Variants in RAB11FIP4 observed in about 807,000 individuals in gnomAD.
RAB11FIP4 encodes the protein rab11 family-interacting protein 4.
RAB11FIP4 carries 23 observed loss-of-function variants against 74.3 expected under a neutral mutation model. The observed-to-expected ratio is 0.31, with a 90% confidence interval of 0.22 to 0.44. The LOEUF (loss-of-function observed/expected upper bound fraction) is 0.44. Ranked by LOEUF, RAB11FIP4 falls within the 20% of genes least tolerant of loss-of-function variation. RAB11FIP4 has a pLI of 1.00. For synonymous variants in RAB11FIP4, 360 were observed against 359.9 expected, an observed-to-expected ratio of 1.00 and a Z score of 0.00; for missense variants, 630 against 863.9, an observed-to-expected ratio of 0.73 and a Z score of 3.39.
At chr17:31,459,472 C>T (rs1315455495) in intron 3 of RAB11FIP4, among the ~76,000 whole-genome samples, 1 of 150,396 alleles carries the variant, frequency 6.6e-6, no homozygotes, top group Non-Finnish European at 1.5e-5. Flanking sequence ...TCCTCAGTTC[C>T]GGTGAGCGTT....
chr17:31,411,872 A>C (rs978929474), intron 1 of RAB11FIP4, among the ~76,000 whole-genome samples: 2 of 152,384 alleles, frequency 1.3e-5, no homozygotes, highest in Non-Finnish European at 2.9e-5. Context: ...GTGCAGTTGC[A>C]GCAGAGAGGA....
intron 3 of RAB11FIP4, among the ~76,000 whole-genome samples, chr17:31,511,337 A>G (rs2072448498): frequency 6.6e-6 from 1 of 152,190 alleles, no homozygotes; most frequent in Non-Finnish European, 1.5e-5. Flanking sequence ...GCAGCCTGCC[A>G]GGCAGGTGGT....
intron 3 of RAB11FIP4, among the ~76,000 whole-genome samples, chr17:31,490,911 G>T (rs1349033399): frequency 2.0e-5 from 3 of 152,222 alleles, no homozygotes; most frequent in African/African-American, 7.2e-5. Flanking sequence ...GGGGCACAGT[G>T]CCCTGGCCTT....
chr17:31,456,399 C>T (rs989284291), intron 3 of RAB11FIP4, among the ~76,000 whole-genome samples: 5 of 152,118 alleles, frequency 3.3e-5, no homozygotes, highest in Admixed American at 2.6e-4. Flanking sequence ...TAGAGACGGG[C>T]TTTCACCATG....
rs147442350 is a variant in RAB11FIP4 at position 31,524,699 on chromosome 17, G to A, written c.1134-391G>A. On this transcript the variant is annotated intron_variant, in intron 9 of 14. Coordinates refer to ENST00000621161, the MANE Select transcript of RAB11FIP4 (RefSeq NM_032932.6). The stretch of plus-strand genomic sequence containing the variant: ...GGGCAGACTTCAGGCCACCAGCCAG[G>A]ATGTGCCTATTTTGGGAGTCAAGGT... 3 of 248,136 alleles carry A rather than the reference G, an allele frequency of 1.2e-5. No homozygotes were observed. The East Asian group carries it at 3.6e-4, about 30-fold the overall frequency. The allele number at this position is 248,136 out of a possible 1,614,324, so 15.4% of individuals were successfully genotyped here.
intron 1 of RAB11FIP4, among the ~76,000 whole-genome samples, chr17:31,394,310 A>G (rs1311441597): frequency 6.6e-6 from 1 of 151,768 alleles, no homozygotes; most frequent in East Asian, 1.9e-4. Context: ...TTGTAACCTG[A>G]TTTTTTTTGC....
At chr17:31,443,288 A>G (rs1401833055) in intron 3 of RAB11FIP4, among the ~76,000 whole-genome samples, 2 of 152,190 alleles carry the variant, frequency 1.3e-5, no homozygotes, top group African/African-American at 2.4e-5. Flanking sequence ...TTTGACATAC[A>G]TTAAATTTTT....
At chr17:31,476,514 A>G (rs977190691) in intron 3 of RAB11FIP4, among the ~76,000 whole-genome samples, 3 of 152,156 alleles carry the variant, frequency 2.0e-5, no homozygotes, top group Non-Finnish European at 4.4e-5. Context: ...TGTTGGTCAC[A>G]TAAGAAACCA....
intron 3 of RAB11FIP4, among the ~76,000 whole-genome samples, chr17:31,453,034 C>T (rs2071540673): frequency 6.6e-6 from 1 of 151,986 alleles, no homozygotes; most frequent in African/African-American, 2.4e-5. Context: ...CCTGACTGGC[C>T]CTGGGGGCAA....
intron 3 of RAB11FIP4, among the ~76,000 whole-genome samples, chr17:31,450,320 C>A (rs2071512490): frequency 9.5e-6 from 1 of 105,596 alleles, no homozygotes. Context: ...CCGCCACCGG[C>A]TTTATTATTA....
In RAB11FIP4 at chr17:31,525,222, C is replaced by A; in HGVS notation, c.1266C>A (p.Leu422=). The change falls in exon 10 of 15, where the codon CTC becomes CTA. Residue 422 remains leucine, a synonymous_variant. Transcript: ENST00000621161. ...EREKATEVEL[L]NARVQQLEEE... ...AGAAGGCTACCGAGGTGGAGCTGCTCAATGCCAGGTGGGCCCCTCCACCGA... is the reference window on the plus strand; with the variant it reads ...AGAAGGCTACCGAGGTGGAGCTGCTAAATGCCAGGTGGGCCCCTCCACCGA... The A allele has an allele frequency of 6.5e-7, 1 of 1,546,418 alleles. No individual in the cohort carries two copies. The highest frequency in any genetic ancestry group is 8.7e-7 in the Non-Finnish European group (1 of 1,145,726).
intron 11 of RAB11FIP4, 30 bp from the exon 12 acceptor site, chr17:31,528,376 T>C (rs1445788066): frequency 8.1e-6 from 13 of 1,605,486 alleles, no homozygotes; most frequent in Non-Finnish European, 1.1e-5. Context: ...CTGGGAACTC[T>C]CCTCCCCTGA....
intron 1 of RAB11FIP4, among the ~76,000 whole-genome samples, chr17:31,417,124 C>A (rs577946276): frequency 1.3e-5 from 2 of 151,998 alleles, no homozygotes; most frequent in East Asian, 1.9e-4. Context: ...CCCCACTGTC[C>A]CCCTCACCTG....
chr17:31,522,278 C>T, intron 6 of RAB11FIP4, 82 bp from the exon 7 acceptor site: 1 of 1,443,296 alleles, frequency 6.9e-7, no homozygotes, highest in Non-Finnish European at 9.6e-7. Flanking sequence ...TTGTCCTGCA[C>T]TGTGGTGTCT....
chr17:31,521,137 C>T, intron 4 of RAB11FIP4, 29 bp from the exon 5 acceptor site: 1 of 1,513,044 alleles, frequency 6.6e-7, no homozygotes, highest in Non-Finnish European at 8.9e-7. Flanking sequence ...ATGAGTCCTC[C>T]TCTGACTTGG....
intron 3 of RAB11FIP4, among the ~76,000 whole-genome samples, chr17:31,475,381 A>G (rs1466477809): frequency 2.0e-5 from 3 of 152,250 alleles, no homozygotes; most frequent in African/African-American, 7.2e-5. Flanking sequence ...AAAAAGCACA[A>G]AGAAAGACAT....
At chr17:31,393,504 C>T (rs985176865) in intron 1 of RAB11FIP4, among the ~76,000 whole-genome samples, 5 of 152,204 alleles carry the variant, frequency 3.3e-5, no homozygotes, top group African/African-American at 7.2e-5. Context: ...CAGGGGCCAC[C>T]GGCCTCAGCC....
intron 3 of RAB11FIP4, among the ~76,000 whole-genome samples, chr17:31,458,924 C>T (rs1281242166): frequency 5.9e-5 from 9 of 152,180 alleles, no homozygotes; most frequent in Non-Finnish European, 2.9e-5. Flanking sequence ...GCTACATGCA[C>T]AGTCATGTGT....
chr17:31,527,612 A>G (rs1329247199), intron 10 of RAB11FIP4: 3 of 438,604 alleles, frequency 6.8e-6, no homozygotes, highest in African/African-American at 4.1e-5. Context: ...AAGAAAGAAA[A>G]TAAGAATGAT....
Sources: gnomAD v4.1 joint callset for allele counts (sites outside exome capture counted in the v4.1 genomes callset) on GRCh38, gnomAD v4.1.1 for gene constraint, MANE v1.5 for transcripts, NCBI Gene and HGNC (gene_info 2026-07-23, HGNC 2026-07-21) for gene names.